Variants in MARCHF1 observed in about 807,000 individuals in gnomAD.
The protein encoded by MARCHF1 is E3 ubiquitin-protein ligase MARCHF1.
In MARCHF1, 40 loss-of-function variants were observed where a neutral mutation model predicts 54.2. That is an observed-to-expected ratio of 0.74 (90% CI 0.57 to 0.96). MARCHF1 has a LOEUF of 0.96. MARCHF1 is among the 40% of genes least tolerant of loss of function. The pLI, the probability that MARCHF1 is intolerant of heterozygous loss-of-function variation, is 0.00. For missense variants in MARCHF1, 586 were observed against 656.5 expected (o/e 0.89, Z 1.17); for synonymous variants, 236 against 236.3 (o/e 1.00, Z 0.01).
At chr4:163,690,935 A>G (rs1193463517) in intron 5 of MARCHF1, among the ~76,000 whole-genome samples, 3 of 152,180 alleles carry the variant, frequency 2.0e-5, no homozygotes, top group African/African-American at 7.2e-5. Context: ...GCAGAGCCCA[A>G]AGCGCTGGCT....
At chr4:163,789,231 G>A (rs1179148761) in intron 4 of MARCHF1, among the ~76,000 whole-genome samples, 1 of 151,816 alleles carries the variant, frequency 6.6e-6, no homozygotes, top group East Asian at 1.9e-4. Context: ...TGCAAATACT[G>A]CAGGATAGAA....
At chr4:163,576,442 C>G (rs1187217824) in intron 8 of MARCHF1, among the ~76,000 whole-genome samples, 1 of 151,920 alleles carries the variant, frequency 6.6e-6, no homozygotes, top group Admixed American at 6.6e-5. Flanking sequence ...TTTATTGAGA[C>G]TTCTGCTTTA....
intron 4 of MARCHF1, among the ~76,000 whole-genome samples, chr4:163,832,695 C>T (rs186088637): frequency 0.04 from 6,006 of 150,062 alleles, 150 homozygotes; most frequent in East Asian, 0.069. Flanking sequence ...CCCATTAACT[C>T]GTCATTTAGC....
chr4:163,717,734 T>A (rs1393770738), intron 4 of MARCHF1, among the ~76,000 whole-genome samples: 1 of 152,240 alleles, frequency 6.6e-6, no homozygotes, highest in Non-Finnish European at 1.5e-5. Flanking sequence ...GATTTACATT[T>A]CTCTGATGGC....
intron 2 of MARCHF1, among the ~76,000 whole-genome samples, chr4:164,067,714 A>C (rs909467385): frequency 1.3e-4 from 20 of 152,220 alleles, no homozygotes; most frequent in East Asian, 5.8e-4. Flanking sequence ...TGCAAAAAAA[A>C]CCAAAAATTG....
intron 3 of MARCHF1, among the ~76,000 whole-genome samples, chr4:163,935,706 T>C (rs867597926): frequency 0.15 from 9,832 of 67,660 alleles, 232 homozygotes; most frequent in African/African-American, 0.16. Context: ...TGCTTTCTTT[T>C]TTTTTTTTTT....
chr4:163,885,384 C>T (rs1253641803), intron 3 of MARCHF1, among the ~76,000 whole-genome samples: 1 of 151,952 alleles, frequency 6.6e-6, no homozygotes, highest in Non-Finnish European at 1.5e-5. Context: ...CCTTAAAAGA[C>T]ACCATCAACC....
At chr4:164,015,353 A>G (rs1262097649) in intron 2 of MARCHF1, among the ~76,000 whole-genome samples, 7 of 152,208 alleles carry the variant, frequency 4.6e-5, no homozygotes, top group Non-Finnish European at 8.8e-5. Flanking sequence ...TAAAACTACC[A>G]GAAGAAAACA....
At chr4:164,106,701 G>T (rs894647226) in intron 2 of MARCHF1, among the ~76,000 whole-genome samples, 2 of 147,688 alleles carry the variant, frequency 1.4e-5, no homozygotes, top group African/African-American at 5.1e-5. Context: ...CACCAGCATG[G>T]CACATGTATA....
At chr4:163,979,583 T>C (rs1314731169) in intron 3 of MARCHF1, among the ~76,000 whole-genome samples, 9 of 151,372 alleles carry the variant, frequency 5.9e-5, no homozygotes, top group African/African-American at 2.2e-4. Flanking sequence ...TCTAGATCCC[T>C]GAGGAATCGC....
intron 2 of MARCHF1, among the ~76,000 whole-genome samples, chr4:164,047,404 AC>A (rs1754265330): frequency 6.6e-6 from 1 of 152,194 alleles, no homozygotes; most frequent in Admixed American, 6.5e-5. Context: ...ATCTCAGGAA[AC>A]TTAGGAGCAG....
At position 163,568,690 on chromosome 4, in the gene MARCHF1, G is replaced by A. The variant is rs557762098; in HGVS notation, c.1191+17059C>T. Among the ~76,000 whole-genome samples, 30 of 152,148 alleles carry A rather than the reference G, an allele frequency of 2.0e-4. No individual in the cohort carries two copies. The South Asian group carries it at 5.2e-3, about 26-fold the overall frequency. ...GATCAGTGCCAGCCAGCCCTTTTTG[G>A]CCAGTGTACCTTGGGAAAGGAATAT... On this transcript the variant is annotated intron_variant, in intron 8 of 9. Coordinates refer to ENST00000514618, the MANE Select transcript of MARCHF1 (RefSeq NM_001394959.1).
chr4:163,667,452 G>T (rs1192707726), intron 5 of MARCHF1, among the ~76,000 whole-genome samples: 1 of 151,938 alleles, frequency 6.6e-6, no homozygotes, highest in African/African-American at 2.4e-5. Context: ...TTGAACATGT[G>T]AGTCATAAAA....
Position 163,528,723 on chromosome 4 carries a change from G to A in MARCHF1, c.*25C>T. The A allele has an allele frequency of 6.3e-7, 1 of 1,578,740 alleles. No individual in the cohort carries two copies. The highest frequency in any genetic ancestry group is 8.6e-7 in the Non-Finnish European group (1 of 1,160,408). On this transcript the variant is annotated 3_prime_UTR_variant, in exon 10 of 10. Coordinates refer to ENST00000514618, the MANE Select transcript of MARCHF1 (RefSeq NM_001394959.1). ...CTGAGGGCTAGAAAGATATTCTTCG[G>A]TGAAGAAACTCCCAACAGGTTCCAT...
chr4:163,639,879 G>T (rs909625106), intron 5 of MARCHF1, among the ~76,000 whole-genome samples: 5 of 152,142 alleles, frequency 3.3e-5, no homozygotes, highest in African/African-American at 1.2e-4. Flanking sequence ...TATTTTGTTG[G>T]TGAAGAGTTA....
chr4:164,305,828 G>A (rs565153219), intron 1 of MARCHF1, among the ~76,000 whole-genome samples: 62 of 151,990 alleles, frequency 4.1e-4, no homozygotes, highest in Non-Finnish European at 7.2e-4. Flanking sequence ...GCTTGATTTG[G>A]TCATTACACA....
At chr4:163,586,457 T>C (rs2110828150) in intron 7 of MARCHF1, among the ~76,000 whole-genome samples, 1 of 152,248 alleles carries the variant, frequency 6.6e-6, no homozygotes, top group East Asian at 1.9e-4. Flanking sequence ...CCTCCCAAAA[T>C]TGAAATTGGA....
chr4:163,703,905 C>T (rs1228073405), intron 4 of MARCHF1, among the ~76,000 whole-genome samples: 6 of 125,288 alleles, frequency 4.8e-5, no homozygotes, highest in Admixed American at 7.7e-5. Flanking sequence ...AAAATGATTA[C>T]CAAATGAGAA....
chr4:163,677,660 T>A (rs963914571), intron 5 of MARCHF1, among the ~76,000 whole-genome samples: 3 of 152,238 alleles, frequency 2.0e-5, no homozygotes, highest in Non-Finnish European at 2.9e-5. Context: ...ACACTTTACA[T>A]CATGTGATAT....
Sources: gnomAD v4.1 joint callset for allele counts (sites outside exome capture counted in the v4.1 genomes callset) on GRCh38, gnomAD v4.1.1 for gene constraint, MANE v1.5 for transcripts, NCBI Gene and HGNC (gene_info 2026-07-23, HGNC 2026-07-21) for gene names.